BFSP1: variants seen among roughly 807,000 people sequenced by gnomAD.
The protein encoded by BFSP1 is filensin.
Under a neutral mutation model 43.9 loss-of-function variants are expected in BFSP1, and 38 were observed. The observed-to-expected ratio is 0.87, with a 90% CI of 0.67 to 1.14. BFSP1 has a LOEUF of 1.14. Among genes scored for constraint, BFSP1 ranks in the 50% most tolerant of loss-of-function variants. The pLI is 0.00. For missense variants in BFSP1, 850 were observed against 875.1 expected (o/e 0.97, Z 0.36); for synonymous variants, 352 against 354.8 (o/e 0.99, Z 0.09).
At chr20:17,560,585 G>GA (rs1262934347), upstream of BFSP1, 21 of 152,238 alleles carry the variant, frequency 1.4e-4, 1 homozygote, top group East Asian at 4.1e-3. Context: ...AAATCTAAAT[G>GA]AAAAAATGTT....
At chr20:17,537,113 C>T (rs2034640159) in intron 1 of BFSP1, among the ~76,000 whole-genome samples, 1 of 152,204 alleles carries the variant, frequency 6.6e-6, no homozygotes, top group Non-Finnish European at 1.5e-5. Flanking sequence ...ATGCAAATGT[C>T]TGCCACAAGA....
At chr20:17,562,009 C>T (rs182203652), upstream of BFSP1, among the ~76,000 whole-genome samples, 7 of 152,114 alleles carry the variant, frequency 4.6e-5, no homozygotes, top group Admixed American at 1.3e-4. Flanking sequence ...CAACCTCTGC[C>T]TCCTGGGTTC....
intron 2 of BFSP1, among the ~76,000 whole-genome samples, chr20:17,519,356 A>G (rs868179779): frequency 1.3e-5 from 2 of 152,226 alleles, no homozygotes; most frequent in Admixed American, 6.5e-5. Flanking sequence ...GGCCACAGGC[A>G]TCTCCCATGC....
In BFSP1 at chr20:17,550,737, T is replaced by G. The variant is rs181252600; in HGVS notation, c.2+7951A>C. 2.7e-3 allele frequency among the ~76,000 whole-genome samples: 416 copies of G among 152,294 alleles called. 3 individuals carry two copies. Among genetic ancestry groups the G allele is most frequent in the African/African-American group, 9.6e-3 (398 of 41,546 alleles). On this transcript the variant is annotated intron_variant, in intron 1 of 7. Coordinates refer to the BFSP1 transcript ENST00000377868. ...ATCCACCCGCCTCGGCCTCCCAAAGTGCTGGGATTACAGGCGTGAGCCACC... is the reference window on the plus strand; with the variant it reads ...ATCCACCCGCCTCGGCCTCCCAAAGGGCTGGGATTACAGGCGTGAGCCACC...
chr20:17,568,748 T>C (rs1293187645), intron 1 of BFSP1, among the ~76,000 whole-genome samples: 3 of 152,118 alleles, frequency 2.0e-5, no homozygotes, highest in East Asian at 1.9e-4. Flanking sequence ...AATGGGTTCC[T>C]ATGTTGAGTG....
chr20:17,499,462 G>C (rs2033743269), intron 5 of BFSP1, among the ~76,000 whole-genome samples: 1 of 146,126 alleles, frequency 6.8e-6, no homozygotes, highest in Admixed American at 7.0e-5. Flanking sequence ...GCCCAGGCTG[G>C]TTTCAAACTC....
intron 1 of BFSP1, among the ~76,000 whole-genome samples, chr20:17,539,034 C>T (rs2034673487): frequency 6.6e-6 from 1 of 151,396 alleles, no homozygotes; most frequent in Non-Finnish European, 1.5e-5. Context: ...ATGTTCCAGC[C>T]CTGCTTTGTA....
intron 1 of BFSP1, 38 bp downstream of exon 1, chr20:17,530,915 A>C: frequency 7.3e-7 from 1 of 1,367,968 alleles, no homozygotes; most frequent in Non-Finnish European, 9.4e-7. Context: ...GGGACGGCCC[A>C]CGCCCTGCCT....
chr20:17,555,341 A>C (rs1274655348), intron 1 of BFSP1, among the ~76,000 whole-genome samples: 1 of 151,196 alleles, frequency 6.6e-6, no homozygotes, highest in Non-Finnish European at 1.5e-5. Flanking sequence ...TGAGAGTCAC[A>C]AAGGAATGCC....
intron 6 of BFSP1, 45 bp downstream of exon 6, chr20:17,498,775 T>G: frequency 4.4e-6 from 7 of 1,586,800 alleles, no homozygotes; most frequent in Non-Finnish European, 6.0e-6. Context: ...CAATAAAGAG[T>G]TGTGGAAGGA....
chr20:17,512,096 T>C (rs374827436), intron 3 of BFSP1, 28 bp from the exon 4 acceptor site: 78 of 1,553,508 alleles, frequency 5.0e-5, no homozygotes, highest in Non-Finnish European at 6.1e-5. Flanking sequence ...ACATTCTCAT[T>C]ATAAGTTGAG....
intron 2 of BFSP1, among the ~76,000 whole-genome samples, chr20:17,523,702 C>T (rs1021492154): frequency 6.6e-6 from 1 of 150,930 alleles, no homozygotes; most frequent in African/African-American, 2.4e-5. Flanking sequence ...CATTGACTGA[C>T]CTGTGTTATT....
At chr20:17,556,568 GATCT>G (rs1225339618) in intron 1 of BFSP1, among the ~76,000 whole-genome samples, 1 of 152,100 alleles carries the variant, frequency 6.6e-6, no homozygotes, top group East Asian at 1.9e-4. Flanking sequence ...ACTATCTATT[GATCT>G]ATCTATCTAT....
chr20:17,536,305 C>A (rs2034627913), upstream of BFSP1, among the ~76,000 whole-genome samples: 1 of 152,118 alleles, frequency 6.6e-6, no homozygotes, highest in Non-Finnish European at 1.5e-5. Flanking sequence ...AATCCCAGCA[C>A]TTTGGGAGGC....
In BFSP1 at chr20:17,507,903, G is replaced by A. The variant is rs1052306990; in HGVS notation, c.735+986C>T. 4.6e-5 allele frequency among the ~76,000 whole-genome samples: 7 copies of A among 152,146 alleles called. No homozygotes were observed. The highest frequency in any genetic ancestry group is 7.3e-5 in the Non-Finnish European group (5 of 68,038). On this transcript the variant is annotated intron_variant, in intron 5 of 7. Coordinates refer to ENST00000377873, the MANE Select transcript of BFSP1 (RefSeq NM_001195.5). This position sits in a 1 kb window ranked among gnomAD's most constrained non-coding sequence, Gnocchi z 4.4. Reference sequence around the variant, plus strand: ...CTGCACTGTGAGTTTTGTGTGGTGCGTGCTGGGATGGGAATTAGGATGTGA... The same window carrying A: ...CTGCACTGTGAGTTTTGTGTGGTGCATGCTGGGATGGGAATTAGGATGTGA...
At chr20:17,509,029 G>A in intron 4 of BFSP1, 33 bp from the exon 5 acceptor site, 1 of 1,470,368 alleles carries the variant, frequency 6.8e-7, no homozygotes, top group Non-Finnish European at 9.1e-7. Context: ...AGACTCATGG[G>A]ACATGCAGAG....
chr20:17,518,891 C>A (rs565398581), intron 2 of BFSP1, among the ~76,000 whole-genome samples: 1 of 152,202 alleles, frequency 6.6e-6, no homozygotes, highest in Non-Finnish European at 1.5e-5. Flanking sequence ...TGCCTGACAG[C>A]TGGACCACAC....
At chr20:17,551,807 A>C (rs922494601) in intron 1 of BFSP1, among the ~76,000 whole-genome samples, 4 of 152,086 alleles carry the variant, frequency 2.6e-5, no homozygotes, top group Non-Finnish European at 5.9e-5. Context: ...ACATGGTGAA[A>C]CCTCGTCTCT....
In BFSP1 at chr20:17,538,180, G is replaced by A. The variant is rs186145881; in HGVS notation, c.3-13272C>T. On this transcript the variant is annotated intron_variant, in intron 1 of 7. Transcript: ENST00000377868. Reference sequence around the variant, plus strand: ...AAAGGAAAGGAGGAAGGAAGAAAGGGAAGGGAAGGAAGGAAAGAAAATGAC... The same window carrying A: ...AAAGGAAAGGAGGAAGGAAGAAAGGAAAGGGAAGGAAGGAAAGAAAATGAC... 7.8e-4 allele frequency among the ~76,000 whole-genome samples: 118 copies of A among 151,964 alleles called. 2 individuals are homozygous for A. The highest frequency in any genetic ancestry group is 1.6e-4 in the Non-Finnish European group (11 of 67,946).
Sources: allele counts gnomAD v4.1 joint callset (sites outside exome capture counted in the v4.1 genomes callset), GRCh38; gene constraint gnomAD v4.1.1; non-coding constraint Gnocchi (gnomAD v3.1); transcripts MANE v1.5; gene names NCBI Gene and HGNC (gene_info 2026-07-23, HGNC 2026-07-21).